The following DIP2C variants were observed in gnomAD, a reference collection of about 807,000 sequenced individuals.
DIP2C encodes the protein DIP2 acetate--CoA ligase C (putative).
In DIP2C, 33 loss-of-function variants were observed where a neutral mutation model predicts 192.4. The ratio of observed to expected loss-of-function variants is 0.17; its 90% CI spans 0.13 to 0.23. DIP2C has a LOEUF of 0.23. DIP2C is among the 10% of genes least tolerant of loss of function. The pLI, the probability that DIP2C is intolerant of heterozygous loss-of-function variation, is 1.00. For synonymous variants in DIP2C, 979 were observed against 864.1 expected (o/e 1.13, Z -2.33); for missense variants, 1,537 against 2,110.1 (o/e 0.73, Z 5.32).
chr10:417,816 CAG>C lies in DIP2C; in HGVS notation c.739+1247_739+1248del, dbSNP rs1331455905. ...GGCCTCCCTGTCCACCTGTTCCTGTCAGGGCGCGGACAGGCCTCCCTGTCCAC... is the reference window on the plus strand; with the variant it reads ...GGCCTCCCTGTCCACCTGTTCCTGTCGGCGCGGACAGGCCTCCCTGTCCAC... On this transcript the variant is annotated intron_variant, in intron 6 of 36. Transcript: ENST00000280886. 1.4e-4 allele frequency among the ~76,000 whole-genome samples: 12 copies of C among 87,436 alleles called. 5 individuals are homozygous for C. Among genetic ancestry groups the C allele is most frequent in the African/African-American group, 7.3e-4 (12 of 16,490 alleles). 57.4% of individuals were successfully genotyped at this position (87,436 alleles called of 152,430 possible). A position where few individuals can be genotyped will look rare whatever the true frequency, so the allele number is the denominator to read the frequency against.
At chr10:620,728 G>A (rs986645056) in intron 1 of DIP2C, among the ~76,000 whole-genome samples, 2 of 152,212 alleles carry the variant, frequency 1.3e-5, no homozygotes, top group Non-Finnish European at 2.9e-5. Flanking sequence ...GTCAGTGGGA[G>A]CCTCGCATCT....
chr10:307,434 G>C (rs1956372961), intron 32 of DIP2C, among the ~76,000 whole-genome samples: 1 of 152,190 alleles, frequency 6.6e-6, no homozygotes. Context: ...ATTTAAGGGA[G>C]GTTTAAGGAA....
chr10:289,437 T>C (rs959676706), intron 32 of DIP2C, among the ~76,000 whole-genome samples: 2 of 152,168 alleles, frequency 1.3e-5, no homozygotes, highest in Non-Finnish European at 2.9e-5. Context: ...TCTGGATAAC[T>C]TTTAAGTTTC....
At chr10:290,608 C>T (rs1036423660) in intron 32 of DIP2C, among the ~76,000 whole-genome samples, 8 of 152,184 alleles carry the variant, frequency 5.3e-5, no homozygotes, top group Non-Finnish European at 8.8e-5. Context: ...CAAAAGCCAG[C>T]GAACCGTGGG....
intron 22 of DIP2C, among the ~76,000 whole-genome samples, chr10:360,504 C>T (rs1959337976): frequency 6.6e-6 from 1 of 152,204 alleles, no homozygotes; most frequent in African/African-American, 2.4e-5. Flanking sequence ...CCATGCAATG[C>T]TTGGCGAATT....
At chr10:492,984 C>G (rs764096558) in intron 1 of DIP2C, among the ~76,000 whole-genome samples, 2 of 152,172 alleles carry the variant, frequency 1.3e-5, no homozygotes, top group Non-Finnish European at 2.9e-5. Context: ...ATATGAATGC[C>G]GATGGAATTT....
intron 1 of DIP2C, among the ~76,000 whole-genome samples, chr10:639,659 T>G (rs1270504420): frequency 6.6e-6 from 1 of 152,264 alleles, no homozygotes; most frequent in Non-Finnish European, 1.5e-5. Context: ...ACTTTGCTAA[T>G]GACAACGAAG....
In DIP2C at chr10:413,962, G is replaced by A; in HGVS notation, c.1008C>T (p.Cys336=). 1 of 1,614,226 alleles carries A rather than the reference G, an allele frequency of 6.2e-7. No homozygotes were observed. The highest frequency in any genetic ancestry group is 8.5e-7 in the Non-Finnish European group (1 of 1,180,040). ...TCCCGTTGGTGTCCATGGTGGTCAG[G>A]CAGGGCGCCTTGGGCGAGATGGTGC... ...RWGTISPKAP[C]LTTMDTNGKP... Residue 336 remains cysteine (C), a synonymous_variant, in exon 8 of 37, where the codon TGC becomes TGT. Transcript: ENST00000280886.
At chr10:613,385 G>C (rs1030374549) in intron 1 of DIP2C, among the ~76,000 whole-genome samples, 1 of 152,180 alleles carries the variant, frequency 6.6e-6, no homozygotes, top group African/African-American at 2.4e-5. Flanking sequence ...GCTGAGATGT[G>C]AATGTCTGGA....
chr10:647,076 T>C (rs1275595705), intron 1 of DIP2C, among the ~76,000 whole-genome samples: 2 of 152,116 alleles, frequency 1.3e-5, no homozygotes, highest in Non-Finnish European at 2.9e-5. Flanking sequence ...TGAGTCCACG[T>C]CCACATTTGA....
chr10:425,763 A>C (rs1966555946), intron 4 of DIP2C, among the ~76,000 whole-genome samples: 1 of 152,258 alleles, frequency 6.6e-6, no homozygotes, highest in South Asian at 2.1e-4. Context: ...TACACCATAT[A>C]GAATTATGGG....
Position 449,705 on chromosome 10 carries a change from G to A in DIP2C, c.269-8709C>T, listed in dbSNP as rs1448067298. Among the ~76,000 whole-genome samples, 11 of 148,570 alleles carry A rather than the reference G, an allele frequency of 7.4e-5. No homozygotes were observed. The East Asian group carries it at 1.6e-3, about 21-fold the overall frequency. On this transcript the variant is annotated intron_variant, in intron 3 of 36. Coordinates refer to ENST00000280886, the MANE Select transcript of DIP2C (RefSeq NM_014974.3). Reference sequence around the variant, plus strand: ...TAGATGACACGTTGGTGGGTGCAGCGCACCAGCATGGCACATGTATACATA... The same window carrying A: ...TAGATGACACGTTGGTGGGTGCAGCACACCAGCATGGCACATGTATACATA...
intron 3 of DIP2C, among the ~76,000 whole-genome samples, chr10:445,323 G>A (rs543904666): frequency 6.6e-6 from 1 of 152,152 alleles, no homozygotes; most frequent in East Asian, 1.9e-4. Flanking sequence ...CATCTGTTGT[G>A]AAGAGTCTGT....
At chr10:339,039 C>T (rs1289445463) in intron 29 of DIP2C, among the ~76,000 whole-genome samples, 1 of 152,052 alleles carries the variant, frequency 6.6e-6, no homozygotes, top group African/African-American at 2.4e-5. Context: ...TGCGCGGCTG[C>T]CCCCACCAAG....
At chr10:484,835 G>C (rs11252681) in intron 2 of DIP2C, 1 of 1,611,362 alleles carries the variant, frequency 6.2e-7, no homozygotes, top group Non-Finnish European at 8.5e-7. Flanking sequence ...ACCCGCTCCC[G>C]AGCCGCAGCT....
chr10:484,082 C>T (rs1029801482), intron 2 of DIP2C, among the ~76,000 whole-genome samples: 1 of 152,180 alleles, frequency 6.6e-6, no homozygotes, highest in African/African-American at 2.4e-5. Flanking sequence ...GTGCTGGGAT[C>T]ACAGGCGTGA....
At chr10:565,656 G>A (rs1301506376) in intron 1 of DIP2C, among the ~76,000 whole-genome samples, 1 of 152,206 alleles carries the variant, frequency 6.6e-6, no homozygotes, top group Non-Finnish European at 1.5e-5. Context: ...TTTGCTACAT[G>A]TAAGCTTCAT....
intron 1 of DIP2C, among the ~76,000 whole-genome samples, chr10:598,274 C>T (rs1013909235): frequency 1.3e-5 from 2 of 151,936 alleles, no homozygotes; most frequent in Non-Finnish European, 2.9e-5. Context: ...TGAAAGCCGG[C>T]ACCGGCCACC....
At chr10:533,527 G>GT (rs1288201801) in intron 1 of DIP2C, among the ~76,000 whole-genome samples, 1 of 152,036 alleles carries the variant, frequency 6.6e-6, no homozygotes, top group African/African-American at 2.4e-5. Context: ...TAGAGTGCCA[G>GT]TGTGTTCAGG....
Sources: gnomAD v4.1 joint callset for allele counts (sites outside exome capture counted in the v4.1 genomes callset) on GRCh38, gnomAD v4.1.1 for gene constraint, MANE v1.5 for transcripts, NCBI Gene and HGNC (gene_info 2026-07-23, HGNC 2026-07-21) for gene names.